Variants in RNF32 observed in about 807,000 individuals in gnomAD.
The protein encoded by RNF32 is ring finger protein 32.
Under a neutral mutation model 41.0 loss-of-function variants are expected in RNF32, and 36 were observed. The ratio of observed to expected loss-of-function variants is 0.88; its 90% CI spans 0.67 to 1.16. RNF32 has a LOEUF of 1.16. Among genes scored for constraint, RNF32 ranks in the 50% most tolerant of loss-of-function variants. RNF32 has a pLI of 0.00. For missense variants in RNF32, 413 were observed against 436.7 expected (o/e 0.95, Z 0.48); for synonymous variants, 154 against 160.9 (o/e 0.96, Z 0.32).
intron 7 of RNF32, chr7:156,659,263 C>G: frequency 9.6e-7 from 1 of 1,036,436 alleles, no homozygotes; most frequent in Non-Finnish European, 1.2e-6. Flanking sequence ...TTATAATGGC[C>G]CAGCACACAG....
At chr7:156,650,475 T>C (rs74991490) in intron 3 of RNF32, among the ~76,000 whole-genome samples, 2,815 of 152,278 alleles carry the variant, frequency 0.018, 87 homozygotes, top group African/African-American at 0.065. Context: ...GCAAGATGGG[T>C]GCTGGACGTG....
At chr7:156,659,902 C>T in intron 7 of RNF32, 7 of 985,404 alleles carry the variant, frequency 7.1e-6, no homozygotes, top group Non-Finnish European at 8.4e-6. Flanking sequence ...TGACCAAGAG[C>T]AGTCGGGGCA....
At chr7:156,648,998 C>T (rs1227357489) in intron 3 of RNF32, among the ~76,000 whole-genome samples, 1 of 152,032 alleles carries the variant, frequency 6.6e-6, no homozygotes, top group Non-Finnish European at 1.5e-5. Context: ...TAGATGTCAC[C>T]ACAGTTTGTT....
chr7:156,658,064 G>A, intron 5 of RNF32, 64 bp from the exon 6 acceptor site: 2 of 1,473,538 alleles, frequency 1.4e-6, no homozygotes, highest in Non-Finnish European at 1.9e-6. Context: ...CACTAACATT[G>A]GAAGTAAAAA....
At chr7:156,662,707 G>C (rs1020052969) in intron 7 of RNF32, among the ~76,000 whole-genome samples, 2 of 151,868 alleles carry the variant, frequency 1.3e-5, no homozygotes, top group African/African-American at 4.8e-5. Flanking sequence ...TTATGCAATA[G>C]AAGTGAAAAT....
chr7:156,644,686 C>G lies in RNF32; in HGVS notation c.203C>G (p.Thr68Arg), dbSNP rs1309627301. Residue 68 changes from threonine (T) to arginine (R), a missense_variant, in exon 3 of 9, where the codon ACA (threonine) becomes AGA (arginine). Transcript: ENST00000317955. ...ATAGATACTGGACTTAAAAAAACTA[C>G]ACAGTGCCCCAAACTAGAAGACTCA... The part of the protein sequence containing the change: ...AIIDTGLKKT[T>R]QCPKLEDSEK... 6.2e-7 allele frequency: 1 copy of G among 1,613,298 alleles called. No homozygotes were observed. The highest frequency in any genetic ancestry group is 8.5e-7 in the Non-Finnish European group (1 of 1,179,690).
intron 3 of RNF32, among the ~76,000 whole-genome samples, chr7:156,645,209 T>C (rs998150014): frequency 6.6e-6 from 1 of 152,178 alleles, no homozygotes; most frequent in Non-Finnish European, 1.5e-5. Context: ...TCTCCAGAGA[T>C]GCAAGTACAT....
At chr7:156,663,606 T>G (rs1800945822) in intron 7 of RNF32, among the ~76,000 whole-genome samples, 1 of 152,218 alleles carries the variant, frequency 6.6e-6, no homozygotes, top group Non-Finnish European at 1.5e-5. Context: ...AACTCTAAAG[T>G]TTATCTAAAG....
In RNF32 at chr7:156,658,057, T is replaced by C. The variant is rs1003404390; in HGVS notation, c.451-71T>C. 3 of 1,447,316 alleles carry C rather than the reference T, an allele frequency of 2.1e-6. No individual in the cohort carries two copies. In the African/African-American group the frequency reaches 4.2e-5, roughly 20 times the overall value. The allele number at this position is 1,447,316 out of a possible 1,614,324, so 89.7% of individuals were successfully genotyped here. Reference sequence around the variant, plus strand: ...GAAAAGAACACTATAATTAGAACACTAACATTGGAAGTAAAAACGTTGTTT... The same window carrying C: ...GAAAAGAACACTATAATTAGAACACCAACATTGGAAGTAAAAACGTTGTTT... On this transcript the variant is annotated intron_variant, in intron 5 of 8. Coordinates refer to ENST00000317955, the MANE Select transcript of RNF32 (RefSeq NM_030936.4).
chr7:156,673,723 C>T (rs1401411179), intron 7 of RNF32, among the ~76,000 whole-genome samples: 3 of 152,170 alleles, frequency 2.0e-5, no homozygotes, highest in African/African-American at 7.2e-5. Context: ...AGCCAATACT[C>T]ATTCTTCTAA....
rs745367653 is a variant in RNF32 at position 156,675,702 on chromosome 7, GA to G, written c.694del (p.Ile232SerfsTer26). On this transcript the variant is annotated frameshift_variant, in exon 8 of 9. Coordinates refer to ENST00000317955, the MANE Select transcript of RNF32 (RefSeq NM_030936.4). LOFTEE classifies it high-confidence loss of function. ...GCCCCCGCCTCCTCCTCAGTTCACA[GA>G]AATCAGCCACCGCATCCTGTGCTCA... ...RKKFFEKKFT[E>X]ISHRILCSYN... The G allele has an allele frequency of 6.7e-5, 105 of 1,577,090 alleles. No individual in the cohort carries two copies. The highest frequency in any genetic ancestry group is 5.0e-4 in the Middle Eastern group (3 of 5,962).
In RNF32 at chr7:156,658,507, A is replaced by C; in HGVS notation, c.621A>C (p.Arg207Ser). The change falls in exon 7 of 9, where the codon AGA becomes AGC. Residue 207 changes from arginine to serine, a missense_variant. Physicochemically the swap from Arg to Ser is moderately radical, Grantham distance 110. Transcript: ENST00000317955. The part of the protein sequence containing the change: ...WRGCVVRKWY[R>S]NLRKTVPPTD... ...GATGTGTTGTTAGAAAGTGGTACAG[A>C]AACCTGAGGAAAACAGTACCTCCCA... is the stretch of plus-strand genomic sequence containing the variant. 1.2e-6 allele frequency: 2 copies of C among 1,614,018 alleles called. No homozygotes were observed. Among genetic ancestry groups the C allele is most frequent in the Non-Finnish European group, 1.7e-6 (2 of 1,179,852 alleles).
intron 7 of RNF32, among the ~76,000 whole-genome samples, chr7:156,673,902 T>C (rs1393220856): frequency 1.0e-5 from 1 of 95,736 alleles, no homozygotes; most frequent in African/African-American, 6.3e-5. Context: ...TTGCTCCACA[T>C]TAATAAAAAA....
Position 156,669,741 on chromosome 7 carries a change from G to C in RNF32, c.685-5955G>C, listed in dbSNP as rs1332001016. On this transcript the variant is annotated intron_variant, in intron 7 of 8. Coordinates refer to ENST00000317955, the MANE Select transcript of RNF32 (RefSeq NM_030936.4). The surrounding 1 kb of genome is among the most constrained non-coding windows in gnomAD (Gnocchi z 4.2). ...CAGGGCTGGGACTCCCAGGGAGAAGGGGCCATGGCTGGGCCCCTCCAGCAC... is the reference window on the plus strand; with the variant it reads ...CAGGGCTGGGACTCCCAGGGAGAAGCGGCCATGGCTGGGCCCCTCCAGCAC... 2.0e-5 allele frequency among the ~76,000 whole-genome samples: 3 copies of C among 152,218 alleles called. No homozygotes were observed. Among genetic ancestry groups the C allele is most frequent in the Non-Finnish European group, 4.4e-5 (3 of 68,038 alleles).
At chr7:156,655,512 A>C (rs1419236491) in intron 4 of RNF32, among the ~76,000 whole-genome samples, 2 of 152,198 alleles carry the variant, frequency 1.3e-5, no homozygotes, top group African/African-American at 4.8e-5. Flanking sequence ...AAACACAGCA[A>C]ATACAGTTAA....
At chr7:156,647,728 T>A (rs1798159254) in intron 3 of RNF32, among the ~76,000 whole-genome samples, 1 of 152,204 alleles carries the variant, frequency 6.6e-6, no homozygotes, top group Non-Finnish European at 1.5e-5. Flanking sequence ...GAGGGATAGA[T>A]CCACTTTTAG....
In RNF32 at chr7:156,658,474, C is replaced by CT; in HGVS notation, c.589dup (p.Trp197LeufsTer7). 1 of 1,612,164 alleles carries CT rather than the reference C, an allele frequency of 6.2e-7. No homozygotes were observed. The highest frequency in any genetic ancestry group is 1.1e-5 in the South Asian group (1 of 91,030). On this transcript the variant is annotated frameshift_variant, in exon 7 of 9. Coordinates refer to ENST00000317955, the MANE Select transcript of RNF32 (RefSeq NM_030936.4). LOFTEE classifies it high-confidence loss of function. ...ATCTGTGTTTTAGAATCCAAGCCTA[C>CT]TGGAGAGGATGTGTTGTTAGAAAGT...
chr7:156,646,098 G>A (rs914890475), intron 3 of RNF32, among the ~76,000 whole-genome samples: 62 of 152,234 alleles, frequency 4.1e-4, no homozygotes, highest in African/African-American at 1.4e-3. Context: ...GTTTGTGCCT[G>A]TAAATAAAGG....
chr7:156,674,788 C>T lies in RNF32; in HGVS notation c.685-908C>T, dbSNP rs556655364. Among the ~76,000 whole-genome samples, 3 of 152,284 alleles carry T rather than the reference C, an allele frequency of 2.0e-5. No individual in the cohort carries two copies. The South Asian group carries it at 6.2e-4, about 32-fold the overall frequency. On this transcript the variant is annotated intron_variant, in intron 7 of 8. Transcript: ENST00000317955. ...AGATACAATATTAAAATTAATTTCA[C>T]CTTTTAAAAAACTTAATGTGACTGC...
Sources: allele counts gnomAD v4.1 joint callset (sites outside exome capture counted in the v4.1 genomes callset), GRCh38; gene constraint gnomAD v4.1.1; non-coding constraint Gnocchi (gnomAD v3.1); transcripts MANE v1.5; gene names NCBI Gene and HGNC (gene_info 2026-07-23, HGNC 2026-07-21).